The following MYO1B variants were observed in gnomAD, a reference collection of about 807,000 sequenced individuals.
MYO1B encodes myosin IB.
MYO1B carries 72 observed loss-of-function variants against 159.7 expected under a neutral mutation model. That is an observed-to-expected ratio of 0.45 (90% CI 0.37 to 0.55). MYO1B has a LOEUF of 0.55. Among genes scored for constraint, MYO1B ranks in the 20% least tolerant of loss-of-function variants. MYO1B has a pLI of 0.00. For synonymous variants in MYO1B, 468 were observed against 473.8 expected (o/e 0.99, Z 0.16); for missense variants, 1,062 against 1,364.8 (o/e 0.78, Z 3.50).
chr2:191,329,599 T>TAATTTCATATA (rs1260397110), intron 3 of MYO1B, among the ~76,000 whole-genome samples: 1 of 147,738 alleles, frequency 6.8e-6, no homozygotes, highest in East Asian at 1.9e-4. Context: ...TTTATATAAA[T>TAATTTCATATA]AATTTCATAT....
At chr2:191,371,040 T>C (rs1167408094) in intron 13 of MYO1B, 11 of 152,256 alleles carry the variant, frequency 7.2e-5, no homozygotes, top group African/African-American at 1.9e-4. Flanking sequence ...TATCTACTTA[T>C]GTTAGAATTT....
Position 191,390,409 on chromosome 2 carries a change from C to T in MYO1B, c.1899C>T (p.Ala633=), listed in dbSNP as rs778513758. 1.9e-6 allele frequency: 3 copies of T among 1,614,252 alleles called. No individual in the cohort carries two copies. In the South Asian group the frequency reaches 3.3e-5, roughly 18 times the overall value. ...ENVRVRRAGY[A]FRQAYEPCLE... is the part of the protein sequence containing the mutation. ...TCCGAGTGCGGAGGGCAGGCTACGC[C>T]TTCAGGCAGGCCTATGAACCTTGCC... Residue 633 remains alanine, a synonymous_variant, in exon 18 of 31, where the codon GCC becomes GCT. Coordinates refer to ENST00000392318, the MANE Select transcript of MYO1B (RefSeq NM_001130158.3).
chr2:191,338,666 G>GTC (rs1473780708), intron 4 of MYO1B, among the ~76,000 whole-genome samples: 1 of 152,170 alleles, frequency 6.6e-6, no homozygotes, highest in Non-Finnish European at 1.5e-5. Context: ...TGCTAAAGCA[G>GTC]TTGTCCTCTA....
intron 1 of MYO1B, among the ~76,000 whole-genome samples, chr2:191,251,550 G>T (rs1686118476): frequency 6.6e-6 from 1 of 152,168 alleles, no homozygotes. Context: ...GCCTTCCGGG[G>T]ACTTTCAGTC....
At chr2:191,350,311 T>C (rs1692830393) in intron 7 of MYO1B, 86 bp downstream of exon 7, 1 of 951,668 alleles carries the variant, frequency 1.1e-6, no homozygotes, top group Non-Finnish European at 1.6e-6. Flanking sequence ...ACTTGTGTCT[T>C]TGAGGCATAA....
rs1698131091 is a variant in MYO1B at position 191,424,755 on chromosome 2, TA to T, written c.*798del. On this transcript the variant is annotated 3_prime_UTR_variant, in exon 31 of 31. Transcript: ENST00000392318. ...TAAGATTATATGTTTCTGTTTCTGG[TA>T]AATACCATATATGATCCTCGAAATG... The T allele has an allele frequency of 6.6e-6, 1 of 152,516 alleles. No individual in the cohort carries two copies. The highest frequency in any genetic ancestry group is 2.4e-5 in the African/African-American group (1 of 41,458). The allele number at this position is 152,516 out of a possible 1,614,324, so 9.4% of individuals were successfully genotyped here. A position where few individuals can be genotyped will look rare whatever the true frequency, so the allele number is the denominator to read the frequency against.
intron 3 of MYO1B, among the ~76,000 whole-genome samples, chr2:191,319,204 G>T (rs1023869134): frequency 1.6e-4 from 25 of 152,188 alleles, no homozygotes; most frequent in African/African-American, 4.6e-4. Flanking sequence ...ATAATGTGCA[G>T]AACAGACTTG....
chr2:191,400,904 A>G (rs1235725941), intron 23 of MYO1B, 69 bp downstream of exon 23: 16 of 1,432,468 alleles, frequency 1.1e-5, no homozygotes, highest in Admixed American at 3.9e-5. Flanking sequence ...CCTCTAGCCT[A>G]TTAGGGGATG....
intron 6 of MYO1B, among the ~76,000 whole-genome samples, chr2:191,349,819 G>T (rs1031372131): frequency 6.6e-6 from 1 of 152,184 alleles, no homozygotes; most frequent in African/African-American, 2.4e-5. Flanking sequence ...CAACCAGTCT[G>T]TATACACAGA....
At chr2:191,272,243 CCTGGCACCAGTTGGCAGGCTTGTGG>C (rs1687495365) in intron 1 of MYO1B, among the ~76,000 whole-genome samples, 1 of 152,180 alleles carries the variant, frequency 6.6e-6, no homozygotes, top group African/African-American at 2.4e-5. Flanking sequence ...TGTGGAGTTG[CCTGGCACCAGTTGGCAGGCTTGTGG>C]CTGGCCTAAA....
intron 3 of MYO1B, among the ~76,000 whole-genome samples, chr2:191,305,650 G>T (rs534295691): frequency 6.6e-6 from 1 of 152,296 alleles, no homozygotes; most frequent in African/African-American, 2.4e-5. Context: ...AATAAATACC[G>T]AAGGGAGAAA....
At chr2:191,387,525 T>A in intron 17 of MYO1B, 75 bp downstream of exon 17, 1 of 1,310,398 alleles carries the variant, frequency 7.6e-7, no homozygotes, top group Non-Finnish European at 1.1e-6. Flanking sequence ...TCCCTTTGCT[T>A]CAATCTGAGT....
At chr2:191,421,402 A>T (rs1311981704) in intron 30 of MYO1B, among the ~76,000 whole-genome samples, 2 of 151,972 alleles carry the variant, frequency 1.3e-5, no homozygotes, top group Admixed American at 1.3e-4. Context: ...AATTATAGAC[A>T]TGGAAACAGT....
At chr2:191,377,300 C>T (rs758791700) in intron 13 of MYO1B, among the ~76,000 whole-genome samples, 2 of 152,120 alleles carry the variant, frequency 1.3e-5, no homozygotes, top group Non-Finnish European at 2.9e-5. Flanking sequence ...GAAGATGTTT[C>T]TAAGTTTTAG....
At chr2:191,249,858 T>C (rs1686007824) in intron 1 of MYO1B, among the ~76,000 whole-genome samples, 1 of 152,196 alleles carries the variant, frequency 6.6e-6, no homozygotes, top group Non-Finnish European at 1.5e-5. Context: ...TTTTAGACTT[T>C]TGCCTCTGGA....
intron 19 of MYO1B, 90 bp downstream of exon 19, chr2:191,392,291 A>AG: frequency 3.3e-6 from 3 of 898,602 alleles, no homozygotes; most frequent in Non-Finnish European, 5.1e-6. Flanking sequence ...ACATTATATG[A>AG]GGGGCCACCA....
At chr2:191,265,811 G>A (rs753826854) in intron 1 of MYO1B, among the ~76,000 whole-genome samples, 23 of 152,280 alleles carry the variant, frequency 1.5e-4, no homozygotes, top group African/African-American at 3.6e-4. Context: ...TGGCTGCCTC[G>A]TCCCTCAGGA....
At chr2:191,304,653 C>A (rs1049573794) in intron 3 of MYO1B, among the ~76,000 whole-genome samples, 3 of 152,182 alleles carry the variant, frequency 2.0e-5, no homozygotes, top group Non-Finnish European at 4.4e-5. Flanking sequence ...GCTAATTTTT[C>A]TTCCAGATCA....
At chr2:191,387,183 A>G (rs752469176) in intron 16 of MYO1B, 41 bp from the exon 17 acceptor site, 39 of 1,566,704 alleles carry the variant, frequency 2.5e-5, no homozygotes, top group Non-Finnish European at 3.4e-5. Context: ...ACATTATAGC[A>G]TGCAATGTGC....
Sources: allele counts gnomAD v4.1 joint callset (sites outside exome capture counted in the v4.1 genomes callset), GRCh38; gene constraint gnomAD v4.1.1; transcripts MANE v1.5; gene names NCBI Gene and HGNC (gene_info 2026-07-23, HGNC 2026-07-21).